The following RALYL variants were observed in gnomAD, a reference collection of about 807,000 sequenced individuals.
RALYL encodes the protein RALY RNA binding protein like, also known as RNA-binding Raly-like protein.
A neutral mutation model predicts 35.1 loss-of-function variants in RALYL; 29 were observed. The ratio of observed to expected loss-of-function variants is 0.83; its 90% CI spans 0.61 to 1.13. RALYL has a LOEUF of 1.13. Ranked by LOEUF, RALYL falls within the 50% of genes most tolerant of loss-of-function variation. The pLI is 0.00. For synonymous variants in RALYL, 120 were observed against 127.6 expected (o/e 0.94, Z 0.40); for missense variants, 359 against 360.4 (o/e 1.00, Z 0.03).
At chr8:84,423,306 G>A (rs1286680015) in intron 1 of RALYL, among the ~76,000 whole-genome samples, 2 of 150,376 alleles carry the variant, frequency 1.3e-5, no homozygotes, top group African/African-American at 2.5e-5. Flanking sequence ...TTATGTAATG[G>A]CCTTCTTTGT....
At chr8:84,466,442 C>T (rs1294114444) in intron 1 of RALYL, among the ~76,000 whole-genome samples, 3 of 149,952 alleles carry the variant, frequency 2.0e-5, no homozygotes, top group African/African-American at 7.4e-5. Context: ...TGCTGGATTA[C>T]ATTTCTTGAT....
intron 1 of RALYL, among the ~76,000 whole-genome samples, chr8:84,469,583 C>T (rs1282438149): frequency 3.3e-5 from 5 of 152,174 alleles, no homozygotes; most frequent in Non-Finnish European, 7.3e-5. Flanking sequence ...GCAGAGGTTA[C>T]TGCTGTCTTT....
At chr8:84,203,198 C>G (rs1201645739) in intron 1 of RALYL, among the ~76,000 whole-genome samples, 1 of 151,994 alleles carries the variant, frequency 6.6e-6, no homozygotes, top group Non-Finnish European at 1.5e-5. Flanking sequence ...AAAGTACATT[C>G]TCCTTTTGAG....
At chr8:84,204,038 G>GT (rs141958795) in intron 1 of RALYL, among the ~76,000 whole-genome samples, 35,457 of 151,744 alleles carry the variant, frequency 0.23, 4,261 homozygotes, top group Non-Finnish European at 0.27. Context: ...CAGTGTATAA[G>GT]TTTTTTTGTT....
intron 1 of RALYL, among the ~76,000 whole-genome samples, chr8:84,358,948 A>G (rs1270503725): frequency 6.6e-6 from 1 of 152,060 alleles, no homozygotes; most frequent in Non-Finnish European, 1.5e-5. Context: ...TACTTTACGC[A>G]TTAGGTGATG....
chr8:84,651,799 T>TA (rs1228356032), intron 2 of RALYL, among the ~76,000 whole-genome samples: 8 of 152,134 alleles, frequency 5.3e-5, no homozygotes, highest in African/African-American at 1.9e-4. Context: ...GTAGGTAATG[T>TA]ATTGAGCCAA....
rs563216650 is a variant in RALYL at position 84,443,163 on chromosome 8, AG to A, written c.-23-86135del. On this transcript the variant is annotated intron_variant, in intron 1 of 8. Coordinates refer to ENST00000521268, the MANE Select transcript of RALYL (RefSeq NM_173848.7). ...TGAGTGTTATTGCCTACTTTACAGAAGAGGAACTCATATTCAGAGACTTTAC... is the reference window on the plus strand; with the variant it reads ...TGAGTGTTATTGCCTACTTTACAGAAAGGAACTCATATTCAGAGACTTTAC... 3.1e-3 allele frequency among the ~76,000 whole-genome samples: 478 copies of A among 152,226 alleles called. 4 individuals are homozygous for A. Among genetic ancestry groups the A allele is most frequent in the African/African-American group, 0.011 (461 of 41,566 alleles).
intron 2 of RALYL, among the ~76,000 whole-genome samples, chr8:84,564,852 G>T (rs1038473252): frequency 6.6e-6 from 1 of 151,418 alleles, no homozygotes; most frequent in African/African-American, 2.4e-5. Context: ...ACAAATATAT[G>T]AAAATATTCA....
intron 1 of RALYL, among the ~76,000 whole-genome samples, chr8:84,262,021 A>G (rs1031577437): frequency 1.3e-5 from 2 of 152,134 alleles, no homozygotes; most frequent in South Asian, 2.1e-4. Flanking sequence ...TATATAAAAA[A>G]TGTTCTTCTA....
chr8:84,844,538 G>C (rs58900493), intron 4 of RALYL, among the ~76,000 whole-genome samples: 2 of 152,284 alleles, frequency 1.3e-5, no homozygotes, highest in African/African-American at 2.4e-5. Flanking sequence ...AAACTAGTTC[G>C]ACCATTGTGG....
chr8:84,408,677 G>A (rs2043799739), intron 1 of RALYL, among the ~76,000 whole-genome samples: 1 of 152,138 alleles, frequency 6.6e-6, no homozygotes. Context: ...GCATGGAGGA[G>A]ACAACCATGG....
intron 1 of RALYL, among the ~76,000 whole-genome samples, chr8:84,287,023 T>A (rs1837747629): frequency 6.6e-6 from 1 of 152,240 alleles, no homozygotes; most frequent in South Asian, 2.1e-4. Context: ...TCTGACTTTC[T>A]TGGCTACTGT....
intron 1 of RALYL, among the ~76,000 whole-genome samples, chr8:84,246,353 G>A (rs967315630): frequency 6.6e-6 from 1 of 152,162 alleles, no homozygotes; most frequent in Non-Finnish European, 1.5e-5. Context: ...TTACAAGTTA[G>A]TAAGAGAAAC....
chr8:84,650,352 A>C (rs1828476232), intron 2 of RALYL, among the ~76,000 whole-genome samples: 1 of 152,104 alleles, frequency 6.6e-6, no homozygotes. Context: ...CAGAATCTAC[A>C]ATGAACTCAA....
At position 84,824,886 on chromosome 8, in the gene RALYL, A is replaced by G. The variant is rs566576063; in HGVS notation, c.365+20084A>G. On this transcript the variant is annotated intron_variant, in intron 4 of 8. Coordinates refer to ENST00000521268, the MANE Select transcript of RALYL (RefSeq NM_173848.7). ...CTCAAATTGGATTAAATATTTAAAT[A>G]TAAGACCTCAAACTATAAGAATCTT... Among the ~76,000 whole-genome samples the G allele has an allele frequency of 9.5e-4, 144 of 152,302 alleles. 1 individual carries two copies. The highest frequency in any genetic ancestry group is 3.2e-3 in the African/African-American group (135 of 41,574).
At chr8:84,740,950 G>A (rs1001044036) in intron 2 of RALYL, among the ~76,000 whole-genome samples, 1 of 151,880 alleles carries the variant, frequency 6.6e-6, no homozygotes, top group African/African-American at 2.4e-5. Flanking sequence ...ACGCACTTTT[G>A]TATATTAGGT....
intron 2 of RALYL, among the ~76,000 whole-genome samples, chr8:84,769,641 A>G (rs1814944577): frequency 1.3e-5 from 2 of 152,026 alleles, no homozygotes; most frequent in African/African-American, 2.4e-5. Context: ...GGTGACTGCA[A>G]TTCCAGCTAC....
chr8:84,580,532 C>T (rs753407436), intron 2 of RALYL, among the ~76,000 whole-genome samples: 6 of 152,150 alleles, frequency 3.9e-5, no homozygotes, highest in Non-Finnish European at 7.3e-5. Context: ...AAGTCATTCA[C>T]CTGGTGAAGG....
chr8:84,781,910 C>A (rs1818260882), intron 3 of RALYL, among the ~76,000 whole-genome samples: 1 of 152,012 alleles, frequency 6.6e-6, no homozygotes, highest in Admixed American at 6.6e-5. Flanking sequence ...ACTATGTTTT[C>A]CTAACTCTGT....
Sources: gnomAD v4.1 joint callset for allele counts (sites outside exome capture counted in the v4.1 genomes callset) on GRCh38, gnomAD v4.1.1 for gene constraint, MANE v1.5 for transcripts, NCBI Gene and HGNC (gene_info 2026-07-23, HGNC 2026-07-21) for gene names.